Variants in PDE4B observed in about 807,000 individuals in gnomAD.
The protein encoded by PDE4B is 3',5'-cyclic-AMP phosphodiesterase 4B.
A neutral mutation model predicts 82.2 loss-of-function variants in PDE4B; 20 were observed. The ratio of observed to expected loss-of-function variants is 0.24; its 90% confidence interval spans 0.17 to 0.35. PDE4B has a LOEUF of 0.35. Among genes scored for constraint, PDE4B ranks in the 10% least tolerant of loss-of-function variants. The probability of loss-of-function intolerance (pLI) is 1.00; values close to 1 mark genes in which losing one functional copy is unlikely to be tolerated. For missense variants in PDE4B, 655 were observed against 907.2 expected (o/e 0.72, Z 3.57); for synonymous variants, 320 against 318.9 (o/e 1.00, Z -0.04).
intron 3 of PDE4B, among the ~76,000 whole-genome samples, chr1:65,955,604 T>G (rs1446272462): frequency 6.6e-6 from 1 of 152,152 alleles, no homozygotes; most frequent in African/African-American, 2.4e-5. Flanking sequence ...TACTTCACAT[T>G]GAGTTCATTC....
At chr1:66,275,971 A>G (rs1457284004) in intron 7 of PDE4B, among the ~76,000 whole-genome samples, 1 of 152,156 alleles carries the variant, frequency 6.6e-6, no homozygotes, top group Admixed American at 6.5e-5. Context: ...AGCTGGGACC[A>G]TGGCGATTAT....
Position 66,185,094 on chromosome 1 carries a change from G to T in PDE4B, c.282-62366G>T, listed in dbSNP as rs552108722. ...TATAAGTGAGAACATGCGGTGTTTGGTTTTTTTGTCCTTGCGATAGTTTGC... is the reference window on the plus strand; with the variant it reads ...TATAAGTGAGAACATGCGGTGTTTGTTTTTTTTGTCCTTGCGATAGTTTGC... On this transcript the variant is annotated intron_variant, in intron 3 of 16. Transcript: ENST00000341517. 1.2e-4 allele frequency among the ~76,000 whole-genome samples: 18 copies of T among 151,954 alleles called. No individual in the cohort carries two copies. The East Asian group carries it at 2.7e-3, about 23-fold the overall frequency.
intron 3 of PDE4B, among the ~76,000 whole-genome samples, chr1:66,017,373 A>T (rs1053615936): frequency 1.3e-5 from 2 of 152,200 alleles, no homozygotes; most frequent in Non-Finnish European, 2.9e-5. Flanking sequence ...TGATGTGTTT[A>T]AAAATTAAAA....
chr1:66,117,256 G>GA (rs144776315), intron 3 of PDE4B, among the ~76,000 whole-genome samples: 4,652 of 150,528 alleles, frequency 0.031, 251 homozygotes, highest in African/African-American at 0.1. Context: ...CTAGTTGCCA[G>GA]AAAAAAAAAG....
chr1:65,980,550 T>C (rs972829134), intron 3 of PDE4B, among the ~76,000 whole-genome samples: 1 of 152,222 alleles, frequency 6.6e-6, no homozygotes, highest in African/African-American at 2.4e-5. Flanking sequence ...GTTTCTTTTC[T>C]TTTCATTTGA....
intron 3 of PDE4B, among the ~76,000 whole-genome samples, chr1:65,990,374 G>A (rs1302357173): frequency 1.3e-5 from 2 of 152,122 alleles, no homozygotes; most frequent in African/African-American, 2.4e-5. Context: ...TATTTTGGCA[G>A]TTTTGAAAAG....
chr1:66,319,235 G>A (rs763560496), intron 7 of PDE4B, among the ~76,000 whole-genome samples: 2 of 152,164 alleles, frequency 1.3e-5, no homozygotes, highest in Non-Finnish European at 2.9e-5. Context: ...GTTTCAAGAG[G>A]TTGGAAATTT....
chr1:66,249,039 C>T (rs1321849314), intron 4 of PDE4B, among the ~76,000 whole-genome samples: 2 of 152,186 alleles, frequency 1.3e-5, no homozygotes, highest in African/African-American at 4.8e-5. Context: ...ATCTTTCCAT[C>T]CATGTTCTTC....
chr1:65,817,143 G>C (rs1645895871), intron 1 of PDE4B, among the ~76,000 whole-genome samples: 1 of 152,256 alleles, frequency 6.6e-6, no homozygotes, highest in East Asian at 1.9e-4. Context: ...AGAGAACCAA[G>C]AGCCAGGAAA....
chr1:66,368,128 GA>G (rs1426821640), intron 15 of PDE4B, 63 bp downstream of exon 15: 1 of 1,553,228 alleles, frequency 6.4e-7, no homozygotes, highest in African/African-American at 1.4e-5. Context: ...ACAACAATTA[GA>G]AAAAGAAAAC....
chr1:66,350,034 T>C (rs572075251), intron 8 of PDE4B, among the ~76,000 whole-genome samples: 1 of 152,090 alleles, frequency 6.6e-6, no homozygotes, highest in East Asian at 1.9e-4. Context: ...TCTGTTTACT[T>C]CATTTCTCAC....
At chr1:65,947,756 G>A (rs2100562753) in intron 3 of PDE4B, among the ~76,000 whole-genome samples, 1 of 151,906 alleles carries the variant, frequency 6.6e-6, no homozygotes, top group Admixed American at 6.6e-5. Flanking sequence ...ACCAGAAGAT[G>A]GAAGAGATGA....
At chr1:65,930,124 G>T (rs997973518) in intron 3 of PDE4B, among the ~76,000 whole-genome samples, 3 of 152,174 alleles carry the variant, frequency 2.0e-5, no homozygotes, top group African/African-American at 7.2e-5. Context: ...TTGAGGGCAG[G>T]AAGCATCCAG....
At chr1:66,109,631 G>T (rs955976938) in intron 3 of PDE4B, among the ~76,000 whole-genome samples, 4 of 151,744 alleles carry the variant, frequency 2.6e-5, no homozygotes, top group African/African-American at 9.7e-5. Context: ...CTAGCTCATA[G>T]CCCTATTCTG....
chr1:66,088,750 A>G (rs778633188), intron 3 of PDE4B, among the ~76,000 whole-genome samples: 3 of 152,056 alleles, frequency 2.0e-5, no homozygotes, highest in Non-Finnish European at 2.9e-5. Flanking sequence ...CCCGGACACA[A>G]TGCCATTATA....
intron 7 of PDE4B, among the ~76,000 whole-genome samples, chr1:66,293,836 GT>G (rs1181511798): frequency 6.6e-6 from 1 of 152,142 alleles, no homozygotes; most frequent in African/African-American, 2.4e-5. Context: ...ATGTGATTTT[GT>G]TGTTGTTGTT....
chr1:65,826,663 A>G (rs938108827), intron 1 of PDE4B, among the ~76,000 whole-genome samples: 4 of 152,304 alleles, frequency 2.6e-5, no homozygotes, highest in Admixed American at 2.0e-4. Context: ...GTAGCCTGAG[A>G]GAACTGGTGC....
intron 7 of PDE4B, among the ~76,000 whole-genome samples, chr1:66,305,437 AT>A (rs1185326573): frequency 6.6e-6 from 1 of 152,110 alleles, no homozygotes. Context: ...ACAACAGGTA[AT>A]TTTTTTAGTA....
chr1:66,150,529 C>A (rs1405500797), intron 3 of PDE4B, among the ~76,000 whole-genome samples: 2 of 152,004 alleles, frequency 1.3e-5, no homozygotes, highest in African/African-American at 2.4e-5. Context: ...CCTTTTATTT[C>A]TTTTTCTTGC....
Sources: gnomAD v4.1 joint callset for allele counts (sites outside exome capture counted in the v4.1 genomes callset) on GRCh38, gnomAD v4.1.1 for gene constraint, MANE v1.5 for transcripts, NCBI Gene and HGNC (gene_info 2026-07-23, HGNC 2026-07-21) for gene names.